The following MAF variants were observed in gnomAD, a reference collection of about 807,000 sequenced individuals.
MAF encodes transcription factor Maf.
A neutral mutation model predicts 22.0 loss-of-function variants in MAF; 10 were observed. The observed-to-expected ratio is 0.45, with a 90% CI of 0.28 to 0.77. The LOEUF (loss-of-function observed/expected upper bound fraction) is 0.77, where lower values mean the gene tolerates loss of function less well. MAF is among the 30% of genes least tolerant of loss of function. MAF has a pLI of 0.12. For missense variants in MAF, 544 were observed against 548.4 expected, an observed-to-expected ratio of 0.99 and a Z score of 0.08; for synonymous variants, 337 against 255.8, an observed-to-expected ratio of 1.32 and a Z score of -3.03.
chr16:79,470,292 A>G, the MAF span, among the ~76,000 whole-genome samples: 1 of 152,150 alleles, frequency 6.6e-6, no homozygotes, highest in African/African-American at 2.4e-5. Context: ...CTTGCCAATG[A>G]GGACGCCCAT....
chr16:79,380,234 T>G, the MAF span, among the ~76,000 whole-genome samples: 1 of 152,252 alleles, frequency 6.6e-6, no homozygotes, highest in African/African-American at 2.4e-5. Context: ...TTCTAAGTGA[T>G]GTATATTCAT....
chr16:79,352,912 C>G, the MAF span, among the ~76,000 whole-genome samples: 1 of 152,134 alleles, frequency 6.6e-6, no homozygotes, highest in Non-Finnish European at 1.5e-5. Flanking sequence ...GATGGAGAAT[C>G]AAGTGGGATA....
the MAF span, among the ~76,000 whole-genome samples, chr16:79,423,278 G>T: frequency 3.0e-4 from 46 of 152,246 alleles, 1 homozygote; most frequent in African/African-American, 9.6e-4. Flanking sequence ...CTGTTCTAGG[G>T]AGAGGGCTCA....
the MAF span, among the ~76,000 whole-genome samples, chr16:79,540,377 C>A: frequency 6.6e-6 from 1 of 152,132 alleles, no homozygotes; most frequent in Non-Finnish European, 1.5e-5. Flanking sequence ...CCCAGAAGAA[C>A]CATGAGAACC....
At chr16:79,220,366 A>G in the MAF span, among the ~76,000 whole-genome samples, 4 of 152,118 alleles carry the variant, frequency 2.6e-5, no homozygotes, top group African/African-American at 9.7e-5. Flanking sequence ...AAAAGAACCA[A>G]CTAGTGTAAA....
chr16:79,328,554 A>G, the MAF span, among the ~76,000 whole-genome samples: 13,904 of 152,256 alleles, frequency 0.091, 848 homozygotes, highest in East Asian at 0.29. Context: ...TGAGAGCAAG[A>G]GGGAGCTAAT....
chr16:79,374,493 T>G, the MAF span, among the ~76,000 whole-genome samples: 2 of 152,232 alleles, frequency 1.3e-5, no homozygotes, highest in South Asian at 4.1e-4. Flanking sequence ...TTCATCTTAC[T>G]TACTTCTTGC....
the MAF span, among the ~76,000 whole-genome samples, chr16:79,555,783 G>T: frequency 6.6e-6 from 1 of 152,124 alleles, no homozygotes; most frequent in Non-Finnish European, 1.5e-5. Context: ...CAAGAATTTG[G>T]GATAAGGGAT....
chr16:79,361,278 C>T, the MAF span, among the ~76,000 whole-genome samples: 198 of 152,268 alleles, frequency 1.3e-3, 1 homozygote, highest in African/African-American at 4.5e-3. Flanking sequence ...AATCTACCAG[C>T]ATCCATGGAG....
the MAF span, among the ~76,000 whole-genome samples, chr16:79,234,085 C>T: frequency 3.3e-5 from 5 of 151,920 alleles, no homozygotes; most frequent in African/African-American, 1.2e-4. Context: ...GATCCTGAAC[C>T]CGCCCACCCT....
At chr16:79,466,477 G>C in the MAF span, among the ~76,000 whole-genome samples, 14 of 152,158 alleles carry the variant, frequency 9.2e-5, no homozygotes, top group Admixed American at 2.6e-4. Context: ...GCAGTCCTGG[G>C]ATTAAATAAT....
chr16:79,204,453 C>G, the MAF span: 2 of 152,146 alleles, frequency 1.3e-5, no homozygotes, highest in East Asian at 3.9e-4. Flanking sequence ...TGTCTAGGGT[C>G]TCACAATAAT....
the MAF span, among the ~76,000 whole-genome samples, chr16:79,470,848 C>T: frequency 3.9e-3 from 600 of 152,320 alleles, 2 homozygotes; most frequent in South Asian, 0.021. Context: ...GTGTGTTTTA[C>T]TGCTATTTGT....
chr16:79,395,623 C>T, the MAF span, among the ~76,000 whole-genome samples: 1 of 152,094 alleles, frequency 6.6e-6, no homozygotes, highest in South Asian at 2.1e-4. Context: ...AGCTTGCCAC[C>T]CACCAGCAGA....
chr16:79,334,089 G>A, the MAF span, among the ~76,000 whole-genome samples: 5 of 152,140 alleles, frequency 3.3e-5, no homozygotes, highest in African/African-American at 1.2e-4. Flanking sequence ...GACAAACATC[G>A]GATGCAGCAC....
chr16:79,327,725 C>T, the MAF span, among the ~76,000 whole-genome samples: 1 of 152,178 alleles, frequency 6.6e-6, no homozygotes, highest in African/African-American at 2.4e-5. Flanking sequence ...AGGGACTGTG[C>T]CACAAGTGCT....
At chr16:79,451,711 C>T in the MAF span, among the ~76,000 whole-genome samples, 3 of 152,028 alleles carry the variant, frequency 2.0e-5, no homozygotes, top group African/African-American at 7.2e-5. Context: ...AAAAAAAATA[C>T]CCAAACAACA....
the MAF span, among the ~76,000 whole-genome samples, chr16:79,233,790 G>C: frequency 6.6e-6 from 1 of 152,008 alleles, no homozygotes; most frequent in Non-Finnish European, 1.5e-5. Context: ...TCAGGAGTTT[G>C]AGACCAGCCT....
At chr16:79,580,007 C>T in the MAF span, among the ~76,000 whole-genome samples, 13 of 152,148 alleles carry the variant, frequency 8.5e-5, no homozygotes, top group African/African-American at 3.1e-4. Context: ...TATTACCCCT[C>T]TCAAACAAAA....
Sources: allele counts gnomAD v4.1 joint callset (sites outside exome capture counted in the v4.1 genomes callset), GRCh38; gene constraint gnomAD v4.1.1; transcripts MANE v1.5; gene names NCBI Gene and HGNC (gene_info 2026-07-23, HGNC 2026-07-21).